ARMC7: variants seen among roughly 807,000 people sequenced by gnomAD.
ARMC7 encodes the protein armadillo repeat-containing protein 7.
ARMC7 carries 9 observed loss-of-function variants against 14.8 expected under a neutral mutation model. That is an observed-to-expected ratio of 0.61 (90% confidence interval 0.37 to 1.06). ARMC7 has a LOEUF of 1.06. Among genes scored for constraint, ARMC7 ranks in the 50% least tolerant of loss-of-function variants. ARMC7 has a pLI of 0.01. For synonymous variants in ARMC7, 125 were observed against 123.4 expected, an observed-to-expected ratio of 1.01 and a Z score of -0.09; for missense variants, 262 against 267.1, an observed-to-expected ratio of 0.98 and a Z score of 0.13.
rs1272503385 is a variant in ARMC7, at chr17:75,129,676, G to A, written c.*638G>A. On this transcript the variant is annotated 3_prime_UTR_variant, in exon 3 of 3. Transcript: ENST00000245543. ...ACTCCAAGATGAAGATGTGGTCCCT[G>A]CCCTTGAGTGACAGCCCAGGGACTT... 2 of 152,514 alleles carry A rather than the reference G, an allele frequency of 1.3e-5. No homozygotes were observed. The highest frequency in any genetic ancestry group is 1.9e-4 in the East Asian group (1 of 5,188). 9.4% of individuals were successfully genotyped at this position (152,514 alleles called of 1,614,324 possible).
rs2145138790 is a variant in ARMC7 at position 75,129,319 on chromosome 17, T to G, written c.*281T>G. 4 of 504,882 alleles carry G rather than the reference T, an allele frequency of 7.9e-6. No individual in the cohort carries two copies. Among genetic ancestry groups the G allele is most frequent in the Non-Finnish European group, 1.4e-5 (4 of 286,018 alleles). 31.3% of individuals were successfully genotyped at this position (504,882 alleles called of 1,614,324 possible). ...CCACCACCAGACTCAGGCCCTGGTG[T>G]AAGAAGCGGCCAAGTGCCTGGACCC... On this transcript the variant is annotated 3_prime_UTR_variant, in exon 3 of 3. Coordinates refer to ENST00000245543, the MANE Select transcript of ARMC7 (RefSeq NM_024585.4).
intron 2 of ARMC7, among the ~76,000 whole-genome samples, chr17:75,121,640 C>G (rs1192757377): frequency 6.6e-6 from 1 of 152,184 alleles, no homozygotes; most frequent in South Asian, 2.1e-4. Flanking sequence ...TCTGGAACTC[C>G]TGACCTCAAG....
chr17:75,119,834 C>A (rs2074001004), intron 2 of ARMC7, among the ~76,000 whole-genome samples: 1 of 152,102 alleles, frequency 6.6e-6, no homozygotes, highest in Non-Finnish European at 1.5e-5. Flanking sequence ...GTATTTTGAG[C>A]TGCCCTTGCC....
Position 75,110,251 on chromosome 17 carries a change from C to T in ARMC7, c.-38C>T, listed in dbSNP as rs1037289444. 3 of 1,537,768 alleles carry T rather than the reference C, an allele frequency of 2.0e-6. No homozygotes were observed. In the African/African-American group the frequency reaches 4.1e-5, roughly 21 times the overall value. The stretch of plus-strand genomic sequence containing the variant: ...GCTTTCCCCCTGCACCTTTCCCACC[C>T]TCCCGCCCGTCCCTGGGGGTCCTCC... On this transcript the variant is annotated 5_prime_UTR_variant, in exon 1 of 3. Coordinates refer to ENST00000245543, the MANE Select transcript of ARMC7 (RefSeq NM_024585.4).
intron 2 of ARMC7, among the ~76,000 whole-genome samples, chr17:75,127,740 G>A (rs959993569): frequency 1.2e-4 from 18 of 152,154 alleles, no homozygotes; most frequent in Non-Finnish European, 1.0e-4. Flanking sequence ...GACTACAGGC[G>A]TGTACCATCA....
chr17:75,122,528 A>AT (rs2074020940), intron 2 of ARMC7, among the ~76,000 whole-genome samples: 1 of 150,814 alleles, frequency 6.6e-6, no homozygotes, highest in Middle Eastern at 3.2e-3. Flanking sequence ...CGCCCAGCTA[A>AT]TTTTTTGTAT....
chr17:75,124,131 C>T (rs940306818), intron 2 of ARMC7, among the ~76,000 whole-genome samples: 4 of 152,172 alleles, frequency 2.6e-5, no homozygotes, highest in African/African-American at 7.2e-5. Context: ...CATCTTGGCT[C>T]ATCTTTCTGC....
At chr17:75,124,357 G>A (rs953202665) in intron 2 of ARMC7, among the ~76,000 whole-genome samples, 6 of 152,150 alleles carry the variant, frequency 3.9e-5, no homozygotes, top group African/African-American at 1.4e-4. Context: ...GGGAGAGGGT[G>A]GCTCTCCTGA....
chr17:75,119,537 C>G (rs1280652522), intron 2 of ARMC7, among the ~76,000 whole-genome samples: 2 of 151,348 alleles, frequency 1.3e-5, no homozygotes, highest in African/African-American at 4.9e-5. Flanking sequence ...CAAGCTCCGC[C>G]TCCCGGGTTC....
chr17:75,125,319 G>A (rs201028410), intron 2 of ARMC7, among the ~76,000 whole-genome samples: 37 of 152,324 alleles, frequency 2.4e-4, no homozygotes, highest in Non-Finnish European at 1.2e-4. Context: ...AGAGCACCTA[G>A]TCGGGTATCC....
chr17:75,124,548 G>A (rs1179364929), intron 2 of ARMC7, among the ~76,000 whole-genome samples: 2 of 152,228 alleles, frequency 1.3e-5, no homozygotes, highest in African/African-American at 2.4e-5. Flanking sequence ...CAGGAAGGCC[G>A]CTCCCGTCAG....
intron 2 of ARMC7, among the ~76,000 whole-genome samples, chr17:75,126,036 CT>C (rs1289827549): frequency 1.3e-5 from 2 of 152,156 alleles, no homozygotes; most frequent in Non-Finnish European, 2.9e-5. Flanking sequence ...GGTAAGTCTT[CT>C]CTTTGTTAGT....
At chr17:75,114,734 C>A (rs775261963) in intron 2 of ARMC7, 1 of 397,562 alleles carries the variant, frequency 2.5e-6, no homozygotes, top group Non-Finnish European at 4.4e-6. Context: ...CACAGCAAGA[C>A]CCCCCCGCCC....
intron 2 of ARMC7, among the ~76,000 whole-genome samples, chr17:75,117,141 A>G (rs1193611004): frequency 1.3e-5 from 2 of 152,108 alleles, no homozygotes; most frequent in African/African-American, 4.8e-5. Context: ...CAATGGTGCA[A>G]TCTCGTCTCA....
intron 2 of ARMC7, among the ~76,000 whole-genome samples, chr17:75,117,649 G>T (rs766934483): frequency 6.6e-6 from 1 of 152,060 alleles, no homozygotes; most frequent in Non-Finnish European, 1.5e-5. Context: ...TACAAATTTG[G>T]CATCAGCAAA....
In ARMC7 at chr17:75,129,163, T is replaced by G; in HGVS notation, c.*125T>G. ...TTTCAGCCATCTGAAAGGCGGGTTC[T>G]TTCAGCAGGACAGGCATTTACACTG... On this transcript the variant is annotated 3_prime_UTR_variant, in exon 3 of 3. Transcript: ENST00000245543. 7.4e-7 allele frequency: 1 copy of G among 1,344,348 alleles called. No homozygotes were observed. Among genetic ancestry groups the G allele is most frequent in the Non-Finnish European group, 9.9e-7 (1 of 1,009,446 alleles). The allele number at this position is 1,344,348 out of a possible 1,614,324, so 83.3% of individuals were successfully genotyped here. A position where few individuals can be genotyped will look rare whatever the true frequency, so the allele number is the denominator to read the frequency against.
At chr17:75,124,190 G>C (rs920275983) in intron 2 of ARMC7, among the ~76,000 whole-genome samples, 12 of 152,198 alleles carry the variant, frequency 7.9e-5, no homozygotes, top group Admixed American at 2.0e-4. Context: ...TTCTTTTCTG[G>C]CCCTCACCGC....
At chr17:75,114,190 C>T (rs1434874616) in intron 2 of ARMC7, 1 of 401,244 alleles carries the variant, frequency 2.5e-6, no homozygotes, top group Non-Finnish European at 4.4e-6. Context: ...TGAACGGTGA[C>T]GGTGGCCCCT....
intron 2 of ARMC7, among the ~76,000 whole-genome samples, chr17:75,117,087 G>T (rs1034785126): frequency 7.9e-5 from 12 of 151,984 alleles, no homozygotes; most frequent in African/African-American, 1.9e-4. Context: ...TTTGGTTTTG[G>T]TTTTTTTGAG....
Sources: allele counts gnomAD v4.1 joint callset (sites outside exome capture counted in the v4.1 genomes callset), GRCh38; gene constraint gnomAD v4.1.1; transcripts MANE v1.5; gene names NCBI Gene and HGNC (gene_info 2026-07-23, HGNC 2026-07-21).